Variants in FAM184B observed in about 807,000 individuals in gnomAD.
FAM184B encodes the protein family with sequence similarity 184 member B, also known as protein FAM184B.
FAM184B carries 111 observed loss-of-function variants against 135.9 expected under a neutral mutation model. That is an observed-to-expected ratio of 0.82 (90% confidence interval 0.70 to 0.96). The LOEUF (loss-of-function observed/expected upper bound fraction) is 0.96. Among genes scored for constraint, FAM184B ranks in the 40% least tolerant of loss-of-function variants. FAM184B has a pLI of 0.00. For missense variants in FAM184B, 1,375 were observed against 1,323.9 expected, an observed-to-expected ratio of 1.04 and a Z score of -0.60; for synonymous variants, 552 against 524.8, an observed-to-expected ratio of 1.05 and a Z score of -0.71.
chr4:17,633,661 G>A (rs1715032856), intron 17 of FAM184B, 28 bp downstream of exon 17: 1 of 1,463,690 alleles, frequency 6.8e-7, no homozygotes, highest in Non-Finnish European at 9.1e-7. Flanking sequence ...AATAGAATAA[G>A]GGCCCCTGTC....
Position 17,642,097 on chromosome 4 carries a change from C to T in FAM184B, c.2478G>A (p.Glu826=), listed in dbSNP as rs1560165502. ...DAVRRLRAEV[E]QHQQEAQKLR... ...GCTTCTGCGCCTCCTGCTGATGCTG[C>T]TCCACCTCCGCGCGCAGCCGCCGCA... is the stretch of plus-strand genomic sequence containing the variant. Residue 826 remains glutamate, a synonymous_variant, in exon 13 of 18, where the codon GAG becomes GAA. Coordinates refer to ENST00000265018, the MANE Select transcript of FAM184B (RefSeq NM_015688.2). The T allele has an allele frequency of 2.0e-6, 3 of 1,532,862 alleles. No individual in the cohort carries two copies. Among genetic ancestry groups the T allele is most frequent in the Non-Finnish European group, 8.7e-7 (1 of 1,145,300 alleles). The allele number at this position is 1,532,862 out of a possible 1,614,324, so 95.0% of individuals were successfully genotyped here. A position where few individuals can be genotyped will look rare whatever the true frequency, so the allele number is the denominator to read the frequency against.
rs1202972418 is a variant in FAM184B, at chr4:17,707,503, G to A, written c.1030+146C>T. ...TGTCAGCTCACCTGTACCCTGCAGG[G>A]ATTGGTCTCACCCACCAGGCAGGTC... is the stretch of plus-strand genomic sequence containing the variant. On this transcript the variant is annotated intron_variant, in intron 3 of 17. Transcript: ENST00000265018. 3 of 975,700 alleles carry A rather than the reference G, an allele frequency of 3.1e-6. No homozygotes were observed. The African/African-American group carries it at 4.9e-5, about 16-fold the overall frequency. The allele number at this position is 975,700 out of a possible 1,614,324, so 60.4% of individuals were successfully genotyped here.
rs562485055 is a variant in FAM184B, at chr4:17,776,119, T to A, written c.141+5040A>T. On this transcript the variant is annotated intron_variant, in intron 1 of 17. Transcript: ENST00000265018. ...CCTTGGGTCATTGTGTAAATAAATA[T>A]TTACTACACTACCACATAGTGAGTG... 2.6e-5 allele frequency among the ~76,000 whole-genome samples: 4 copies of A among 152,274 alleles called. No individual in the cohort carries two copies. The South Asian group carries it at 8.3e-4, about 32-fold the overall frequency.
chr4:17,633,751 T>G lies in FAM184B; in HGVS notation c.3027A>C (p.Pro1009=). 1.3e-6 allele frequency: 2 copies of G among 1,550,910 alleles called. No homozygotes were observed. The highest frequency in any genetic ancestry group is 2.7e-5 in the African/African-American group (2 of 73,082). ...PPITTSPSLD[P]SPSCGRTYKP... is the part of the protein sequence containing the mutation. ...TGTAGGTCCGGCCACAGCTGGGGCT[T>G]GGGTCCAAGCTGGGTGATGTAGTTA... The change falls in exon 17 of 18, where the codon CCA becomes CCC. Residue 1009 remains proline, a synonymous_variant. Coordinates refer to ENST00000265018, the MANE Select transcript of FAM184B (RefSeq NM_015688.2).
intron 15 of FAM184B, 135 bp downstream of exon 15, chr4:17,636,393 G>A (rs1264942391): frequency 5.6e-6 from 4 of 712,700 alleles, no homozygotes; most frequent in East Asian, 2.9e-5. Flanking sequence ...TTGAGCCACC[G>A]CGCACGGCAA....
intron 6 of FAM184B, among the ~76,000 whole-genome samples, chr4:17,690,309 T>C (rs1158938654): frequency 1.3e-5 from 2 of 150,962 alleles, no homozygotes; most frequent in African/African-American, 2.4e-5. Flanking sequence ...GCGGGTGGGG[T>C]AGATGTGAGG....
rs562725513 is a variant in FAM184B, at chr4:17,654,361, A to T, written c.2038-1378T>A. 1.8e-4 allele frequency among the ~76,000 whole-genome samples: 28 copies of T among 152,116 alleles called. No individual in the cohort carries two copies. The South Asian group carries it at 5.6e-3, about 30-fold the overall frequency. On this transcript the variant is annotated intron_variant, in intron 10 of 17. Coordinates refer to ENST00000265018, the MANE Select transcript of FAM184B (RefSeq NM_015688.2). ...CATCTTTTTAAACTCTTTTTTATAT[A>T]TATATAGAGGGAGGGTCTCACTATG...
At chr4:17,730,406 T>C (rs1234475020) in intron 1 of FAM184B, among the ~76,000 whole-genome samples, 1 of 151,954 alleles carries the variant, frequency 6.6e-6, no homozygotes, top group East Asian at 1.9e-4. Context: ...ATTCAGGAAA[T>C]ACAGAGAACG....
chr4:17,743,923 G>A (rs1718100016), intron 1 of FAM184B, among the ~76,000 whole-genome samples: 1 of 152,186 alleles, frequency 6.6e-6, no homozygotes, highest in African/African-American at 2.4e-5. Flanking sequence ...TCGTGGTGTT[G>A]GCCCAGCTGA....
intron 7 of FAM184B, among the ~76,000 whole-genome samples, chr4:17,666,042 G>C (rs1379942735): frequency 1.3e-5 from 2 of 152,126 alleles, no homozygotes; most frequent in African/African-American, 4.8e-5. Context: ...TGCACTGGCT[G>C]TTCCCTCTTC....
chr4:17,762,210 T>TA (rs919960243), intron 1 of FAM184B, among the ~76,000 whole-genome samples: 1 of 152,136 alleles, frequency 6.6e-6, no homozygotes, highest in Admixed American at 6.6e-5. Flanking sequence ...AATGAACAAA[T>TA]TAACAAAGGA....
At chr4:17,744,575 G>A (rs1488951264) in intron 1 of FAM184B, among the ~76,000 whole-genome samples, 1 of 151,228 alleles carries the variant, frequency 6.6e-6, no homozygotes, top group Non-Finnish European at 1.5e-5. Context: ...CTCCTCCCAT[G>A]TAACAAGAAA....
intron 7 of FAM184B, among the ~76,000 whole-genome samples, chr4:17,676,655 C>T (rs754173776): frequency 4.6e-5 from 7 of 152,080 alleles, no homozygotes; most frequent in Non-Finnish European, 8.8e-5. Context: ...GCAGTATCTC[C>T]GAGGTATGCC....
chr4:17,765,711 C>A (rs545960272), intron 1 of FAM184B, among the ~76,000 whole-genome samples: 1 of 152,168 alleles, frequency 6.6e-6, no homozygotes, highest in Non-Finnish European at 1.5e-5. Context: ...TGTGGTAATG[C>A]GTCCGGAAAT....
Position 17,711,987 on chromosome 4 carries a change from G to T in FAM184B, c.142-2343C>A, listed in dbSNP as rs1041979394. Among the ~76,000 whole-genome samples, 8 of 152,220 alleles carry T rather than the reference G, an allele frequency of 5.3e-5. No individual in the cohort carries two copies. In the East Asian group the frequency reaches 9.6e-4, roughly 18 times the overall value. ...GAAGTTGTGAACTCATTTTTAGGAA[G>T]AGGGAAGCCAGTGGTCTACTTTACA... On this transcript the variant is annotated intron_variant, in intron 1 of 17. Transcript: ENST00000265018.
At chr4:17,639,134 G>A (rs1347269142) in intron 14 of FAM184B, 116 bp downstream of exon 14, 58 of 1,116,166 alleles carry the variant, frequency 5.2e-5, no homozygotes, top group Middle Eastern at 2.0e-4. Context: ...TGCCTGGCCA[G>A]AACCCAGGAC....
intron 5 of FAM184B, among the ~76,000 whole-genome samples, chr4:17,694,996 C>T (rs1716818430): frequency 1.2e-5 from 1 of 83,308 alleles, no homozygotes; most frequent in Non-Finnish European, 2.7e-5. Context: ...CCAGGACCTG[C>T]AAAGGCCCTG....
intron 3 of FAM184B, among the ~76,000 whole-genome samples, chr4:17,706,734 C>T (rs893489200): frequency 2.0e-5 from 3 of 152,056 alleles, no homozygotes; most frequent in South Asian, 2.1e-4. Context: ...TTTGGGAGGC[C>T]AAGGTGAGGG....
Position 17,709,187 on chromosome 4 carries a change from A to T in FAM184B, c.599T>A (p.Val200Glu). ...CTGGTTCTCCACTCGCAGCCGCTGCACCTCTAGCAGGACCTCCTGCATCTC... is the reference window on the plus strand; with the variant it reads ...CTGGTTCTCCACTCGCAGCCGCTGCTCCTCTAGCAGGACCTCCTGCATCTC... ...GPEMQEVLLEVQRLRVENQQL... is the reference protein window; with the variant it reads ...GPEMQEVLLEEQRLRVENQQL... The change falls in exon 2 of 18, where the codon GTG (valine) becomes GAG (glutamate). Residue 200 changes from valine to glutamate, a missense_variant. Val to Glu is a moderately radical substitution (Grantham distance 121, BLOSUM62 -2). Coordinates refer to ENST00000265018, the MANE Select transcript of FAM184B (RefSeq NM_015688.2). The T allele has an allele frequency of 6.5e-7, 1 of 1,548,116 alleles. No homozygotes were observed. Among genetic ancestry groups the T allele is most frequent in the Non-Finnish European group, 8.7e-7 (1 of 1,146,726 alleles).
Sources: gnomAD v4.1 joint callset for allele counts (sites outside exome capture counted in the v4.1 genomes callset) on GRCh38, gnomAD v4.1.1 for gene constraint, MANE v1.5 for transcripts, NCBI Gene and HGNC (gene_info 2026-07-23, HGNC 2026-07-21) for gene names.